The following BANP variants were observed in gnomAD, a reference collection of about 807,000 sequenced individuals.
BANP encodes the protein BTG3 associated nuclear protein.
Under a neutral mutation model 68.1 loss-of-function variants are expected in BANP, and 11 were observed. The observed-to-expected ratio is 0.16, with a 90% confidence interval of 0.10 to 0.27. The LOEUF (loss-of-function observed/expected upper bound fraction) is 0.27, where lower values mean the gene tolerates loss of function less well. Ranked by LOEUF, BANP falls within the 10% of genes least tolerant of loss-of-function variation. The pLI is 1.00. For missense variants in BANP, 504 were observed against 722.7 expected, an observed-to-expected ratio of 0.70 and a Z score of 3.47; for synonymous variants, 329 against 303.2, an observed-to-expected ratio of 1.09 and a Z score of -0.88.
chr16:88,037,977 A>T lies in BANP; in HGVS notation c.1277A>T (p.Asn426Ile). 1 of 1,612,458 alleles carries T rather than the reference A, an allele frequency of 6.2e-7. No homozygotes were observed. The highest frequency in any genetic ancestry group is 8.5e-7 in the Non-Finnish European group (1 of 1,179,582). ...TCCTCCTCTCGTTCTTTGTAGGGCA[A>T]CCTCCAGATCCATCACGTGGGGCAG... ...QVQITQDSEGNLQIHHVGQDG... is the reference protein window; with the variant it reads ...QVQITQDSEGILQIHHVGQDG... The change falls in exon 11 of 14, where the codon AAC (asparagine) becomes ATC (isoleucine). Residue 426 changes from asparagine (N) to isoleucine (I), a missense_variant. Transcript: ENST00000682872.
chr16:88,074,584 T>G (rs1032907445), intron 13 of BANP, among the ~76,000 whole-genome samples: 1 of 152,058 alleles, frequency 6.6e-6, no homozygotes, highest in Non-Finnish European at 1.5e-5. Flanking sequence ...GGAGGGCAAG[T>G]GAGTCCCAGC....
chr16:87,952,447 C>T (rs1327197926), intron 1 of BANP: 1 of 152,140 alleles, frequency 6.6e-6, no homozygotes, highest in Non-Finnish European at 1.5e-5. Flanking sequence ...CCTGTTCTGC[C>T]CAGGAATGTA....
intron 10 of BANP, among the ~76,000 whole-genome samples, chr16:88,035,767 C>G (rs987653167): frequency 2.0e-5 from 3 of 152,242 alleles, no homozygotes; most frequent in Admixed American, 6.5e-5. Context: ...GGTGACCTGA[C>G]ATACCCCCTC....
chr16:88,007,852 CT>C (rs113107971), intron 6 of BANP, among the ~76,000 whole-genome samples: 4,854 of 147,296 alleles, frequency 0.033, 256 homozygotes, highest in African/African-American at 0.11. Flanking sequence ...TTGAGTTGAT[CT>C]TTTTTTTTTT....
At chr16:88,034,787 G>A (rs572870436) in intron 9 of BANP, among the ~76,000 whole-genome samples, 11 of 151,124 alleles carry the variant, frequency 7.3e-5, no homozygotes, top group African/African-American at 1.5e-4. Flanking sequence ...GTGAAGTGCT[G>A]GAAAATGTTC....
intron 11 of BANP, among the ~76,000 whole-genome samples, chr16:88,041,539 G>A (rs571241314): frequency 1.3e-5 from 2 of 152,320 alleles, no homozygotes; most frequent in East Asian, 3.9e-4. Flanking sequence ...TCAGTTTCAT[G>A]TCCATAGCAG....
At position 88,076,824 on chromosome 16, in the gene BANP, A is replaced by G. The variant is rs910902676; in HGVS notation, c.*163A>G. ...GGGGAACAGCATCCTATCAACTGAA[A>G]GAGCAGCCGCCGCCGCCCCCAGCCG... On this transcript the variant is annotated 3_prime_UTR_variant, in exon 14 of 14. Coordinates refer to ENST00000682872, the MANE Select transcript of BANP (RefSeq NM_001386991.1). 3.3e-6 allele frequency: 2 copies of G among 614,016 alleles called. No homozygotes were observed. Among genetic ancestry groups the G allele is most frequent in the Non-Finnish European group, 5.5e-6 (2 of 362,490 alleles). 38.0% of individuals were successfully genotyped at this position (614,016 alleles called of 1,614,324 possible). A position where few individuals can be genotyped will look rare whatever the true frequency, so the allele number is the denominator to read the frequency against.
intron 6 of BANP, among the ~76,000 whole-genome samples, chr16:88,012,606 G>A (rs147592217): frequency 5.8e-4 from 88 of 152,330 alleles, no homozygotes; most frequent in African/African-American, 1.9e-3. Context: ...GGGGACTAAC[G>A]TGTGGAATCC....
At chr16:87,984,347 A>G (rs2063865383) in intron 4 of BANP, 88 bp downstream of exon 4, 1 of 1,318,542 alleles carries the variant, frequency 7.6e-7, no homozygotes, top group Admixed American at 2.4e-5. Context: ...TTAGTGGCTC[A>G]GTTTGCTGGA....
At chr16:88,063,628 G>T (rs1284678215) in intron 11 of BANP, among the ~76,000 whole-genome samples, 1 of 152,158 alleles carries the variant, frequency 6.6e-6, no homozygotes, top group Admixed American at 6.5e-5. Context: ...TTTCAGATCC[G>T]ATCACAGCTG....
At chr16:87,975,571 C>A (rs1567632763) in intron 2 of BANP, among the ~76,000 whole-genome samples, 1 of 144,576 alleles carries the variant, frequency 6.9e-6, no homozygotes, top group African/African-American at 2.5e-5. Flanking sequence ...GTGTGTAATC[C>A]CATGTGCGGC....
chr16:87,964,271 G>A (rs893057065), intron 1 of BANP, among the ~76,000 whole-genome samples: 1 of 152,212 alleles, frequency 6.6e-6, no homozygotes, highest in African/African-American at 2.4e-5. Flanking sequence ...GATGCGGTGC[G>A]GGCCAGGCCC....
rs2058192385 is a variant in BANP, at chr16:87,957,018, T to A, written c.-69+5503T>A. 2 of 152,368 alleles carry A rather than the reference T, an allele frequency of 1.3e-5. No individual in the cohort carries two copies. The highest frequency in any genetic ancestry group is 4.8e-5 in the African/African-American group (2 of 41,582). 9.4% of individuals were successfully genotyped at this position (152,368 alleles called of 1,614,324 possible). On this transcript the variant is annotated intron_variant, in intron 1 of 13. Coordinates refer to ENST00000682872, the MANE Select transcript of BANP (RefSeq NM_001386991.1). The surrounding 1 kb of genome is among the most constrained non-coding windows in gnomAD (Gnocchi z 4.3). The stretch of plus-strand genomic sequence containing the variant: ...TGTTAACTCCTAAGCTGCCAGCAGA[T>A]GGTGTGCCGAGATACTGTGAAGTCA...
intron 7 of BANP, among the ~76,000 whole-genome samples, chr16:88,022,926 T>G (rs909473092): frequency 5.3e-5 from 8 of 152,128 alleles, no homozygotes; most frequent in African/African-American, 1.9e-4. Context: ...GCAGAGACCC[T>G]AGTTCCCAGT....
chr16:88,048,916 G>A (rs1028590808), intron 11 of BANP, among the ~76,000 whole-genome samples: 3 of 152,190 alleles, frequency 2.0e-5, no homozygotes, highest in African/African-American at 7.2e-5. Context: ...GTCTTCGTCA[G>A]GTGTGGGGTG....
intron 4 of BANP, among the ~76,000 whole-genome samples, chr16:87,992,562 G>C (rs958772527): frequency 6.6e-6 from 1 of 152,162 alleles, no homozygotes; most frequent in Non-Finnish European, 1.5e-5. Flanking sequence ...GGGAGGCTGA[G>C]GAGGGTGGAT....
intron 2 of BANP, among the ~76,000 whole-genome samples, chr16:87,977,691 T>C (rs1036290777): frequency 6.6e-6 from 1 of 152,256 alleles, no homozygotes; most frequent in Non-Finnish European, 1.5e-5. Context: ...TGTATGTCTT[T>C]CCAATTTTTC....
intron 2 of BANP, among the ~76,000 whole-genome samples, chr16:87,977,470 A>T (rs1376919135): frequency 1.3e-5 from 2 of 151,874 alleles, no homozygotes; most frequent in Non-Finnish European, 2.9e-5. Flanking sequence ...CTGCCCCAGT[A>T]CAAAGCCTGC....
chr16:87,961,994 C>G (rs550724514), intron 1 of BANP, among the ~76,000 whole-genome samples: 13 of 152,140 alleles, frequency 8.5e-5, no homozygotes, highest in African/African-American at 2.9e-4. Flanking sequence ...AATCCCAGCA[C>G]TTTGGGAGGA....
Sources: gnomAD v4.1 joint callset for allele counts (sites outside exome capture counted in the v4.1 genomes callset) on GRCh38, gnomAD v4.1.1 for gene constraint, Gnocchi (gnomAD v3.1) non-coding constraint, MANE v1.5 for transcripts, NCBI Gene and HGNC (gene_info 2026-07-23, HGNC 2026-07-21) for gene names.